The following KIRREL1 variants were observed in gnomAD, a reference collection of about 807,000 sequenced individuals.
KIRREL1 encodes kirre like nephrin family adhesion molecule 1.
A neutral mutation model predicts 83.3 loss-of-function variants in KIRREL1; 25 were observed. That is an observed-to-expected ratio of 0.30 (90% CI 0.22 to 0.42). The LOEUF (loss-of-function observed/expected upper bound fraction) is 0.42, where lower values mean the gene tolerates loss of function less well. KIRREL1 is among the 10% of genes least tolerant of loss of function. KIRREL1 has a pLI of 1.00. For synonymous variants in KIRREL1, 388 were observed against 410.4 expected (o/e 0.95, Z 0.66); for missense variants, 812 against 1,032.3 (o/e 0.79, Z 2.92).
chr1:158,069,421 CTTG>C (rs869061840), intron 1 of KIRREL1, among the ~76,000 whole-genome samples: 13 of 151,308 alleles, frequency 8.6e-5, no homozygotes, highest in African/African-American at 1.2e-4. Context: ...GGGATTCGAC[CTTG>C]TTGTCCTCCC....
At chr1:158,026,546 C>A (rs1202609480) in intron 1 of KIRREL1, among the ~76,000 whole-genome samples, 2 of 152,192 alleles carry the variant, frequency 1.3e-5, no homozygotes, top group Non-Finnish European at 2.9e-5. Context: ...GTTATCATCC[C>A]AGCTATATCA....
At chr1:158,081,962 G>A (rs1296826689) in intron 3 of KIRREL1, among the ~76,000 whole-genome samples, 1 of 152,188 alleles carries the variant, frequency 6.6e-6, no homozygotes, top group Non-Finnish European at 1.5e-5. Context: ...CCTCCTGGGT[G>A]TGGCAGCAAC....
chr1:158,004,400 G>A lies in KIRREL1; in HGVS notation c.52+10672G>A, dbSNP rs149272239. On this transcript the variant is annotated intron_variant, in intron 1 of 14. Coordinates refer to ENST00000359209, the MANE Select transcript of KIRREL1 (RefSeq NM_018240.7). Reference sequence around the variant, plus strand: ...CCAAGGAGGGTGACCAGTGATGTAGGTAATCCTTGAGCTCTGTTCTCTGGG... The same window carrying A: ...CCAAGGAGGGTGACCAGTGATGTAGATAATCCTTGAGCTCTGTTCTCTGGG... Among the ~76,000 whole-genome samples, 674 of 152,298 alleles carry A rather than the reference G, an allele frequency of 4.4e-3. 3 individuals are homozygous for A. Among genetic ancestry groups the A allele is most frequent in the Admixed American group, 0.012 (180 of 15,302 alleles).
At chr1:158,091,302 C>T in intron 10 of KIRREL1, 56 bp from the exon 11 acceptor site, 2 of 1,528,740 alleles carry the variant, frequency 1.3e-6, no homozygotes, top group Admixed American at 3.5e-5. Context: ...GACACGTGGG[C>T]ATGGGCTTCT....
In KIRREL1 at chr1:158,020,600, CAAAAAAAAAAAAA is replaced by C. The variant is rs370156588; in HGVS notation, c.52+26882_52+26894del. Among the ~76,000 whole-genome samples, 114 of 83,672 alleles carry C rather than the reference CAAAAAAAAAAAAA, an allele frequency of 1.4e-3. 2 individuals are homozygous for C. Among genetic ancestry groups the C allele is most frequent in the African/African-American group, 5.2e-3 (111 of 21,358 alleles). The allele number at this position is 83,672 out of a possible 152,430, so 54.9% of individuals were successfully genotyped here. ...GCAGAATGACTGCCATACAGTAAAT[CAAAAAAAAAAAAA>C]AAAAAAAAAGCCGTTGAGTGAATAT... On this transcript the variant is annotated intron_variant, in intron 1 of 14. Transcript: ENST00000359209.
At chr1:158,025,190 C>A (rs1660132966) in intron 1 of KIRREL1, among the ~76,000 whole-genome samples, 1 of 152,116 alleles carries the variant, frequency 6.6e-6, no homozygotes, top group Non-Finnish European at 1.5e-5. Flanking sequence ...CAAGTTCCCC[C>A]CATTCTCTCT....
intron 1 of KIRREL1, among the ~76,000 whole-genome samples, chr1:158,029,375 G>A (rs1437855240): frequency 2.0e-5 from 3 of 151,146 alleles, no homozygotes; most frequent in African/African-American, 7.4e-5. Context: ...GTGCACGTGC[G>A]CGCGCATGCA....
intron 10 of KIRREL1, 41 bp from the exon 11 acceptor site, chr1:158,091,317 C>G: frequency 1.9e-6 from 3 of 1,587,972 alleles, no homozygotes; most frequent in Non-Finnish European, 1.7e-6. Context: ...GCTTCTGCCC[C>G]CTGCCCCTTT....
intron 1 of KIRREL1, among the ~76,000 whole-genome samples, chr1:158,035,270 A>G (rs1660444949): frequency 6.6e-6 from 1 of 152,196 alleles, no homozygotes; most frequent in African/African-American, 2.4e-5. Context: ...CTAGGGCCCC[A>G]GGCAGCGAGT....
At chr1:158,029,337 C>CTCTGTGTGTGTGTGTG (rs1660253882) in intron 1 of KIRREL1, among the ~76,000 whole-genome samples, 1 of 69,262 alleles carries the variant, frequency 1.4e-5, no homozygotes, top group Non-Finnish European at 3.4e-5. Flanking sequence ...TAACAAAAAC[C>CTCTGTGTGTGTGTGTG]TGTGTGTGTG....
At chr1:158,002,785 G>A (rs1659402525) in intron 1 of KIRREL1, among the ~76,000 whole-genome samples, 1 of 152,126 alleles carries the variant, frequency 6.6e-6, no homozygotes, top group African/African-American at 2.4e-5. Context: ...GTGAGGCTCA[G>A]GGGCTGCGGG....
At position 158,088,071 on chromosome 1, in the gene KIRREL1, A is replaced by G. The variant is rs777767241; in HGVS notation, c.833A>G (p.Tyr278Cys). Residue 278 changes from tyrosine (Y) to cysteine (C), a missense_variant, in exon 7 of 15, where the codon TAT becomes TGT. Around this residue, in one of 3 missense-constraint regions of KIRREL1, gnomAD observed 472 missense variants for 626.8 expected, o/e 0.75. Coordinates refer to ENST00000359209, the MANE Select transcript of KIRREL1 (RefSeq NM_018240.7). ...HESRYETNVDYSFFTEPVSCE... is the reference protein window; with the variant it reads ...HESRYETNVDCSFFTEPVSCE... ...AGTCGCTATGAGACAAATGTGGATT[A>G]TTCCTTTTTCACGGAGCCTGTGTCT... 1 of 1,614,198 alleles carries G rather than the reference A, an allele frequency of 6.2e-7. No homozygotes were observed. The highest frequency in any genetic ancestry group is 1.7e-5 in the Admixed American group (1 of 60,024).
At chr1:158,021,865 T>C (rs1557991865) in intron 1 of KIRREL1, among the ~76,000 whole-genome samples, 1 of 152,188 alleles carries the variant, frequency 6.6e-6, no homozygotes, top group Non-Finnish European at 1.5e-5. Context: ...AAATGCCATG[T>C]AACCTGAGGT....
chr1:158,063,630 C>T (rs1346650973), intron 1 of KIRREL1, among the ~76,000 whole-genome samples: 1 of 152,232 alleles, frequency 6.6e-6, no homozygotes, highest in African/African-American at 2.4e-5. Flanking sequence ...GAGCTGTGCT[C>T]AACATACCAG....
chr1:158,083,199 T>C (rs148486812), intron 3 of KIRREL1, among the ~76,000 whole-genome samples: 2 of 152,368 alleles, frequency 1.3e-5, no homozygotes, highest in African/African-American at 4.8e-5. Flanking sequence ...AGCAAGAGCC[T>C]ACTTGGTCAC....
intron 1 of KIRREL1, among the ~76,000 whole-genome samples, chr1:158,044,057 C>G (rs1660710731): frequency 6.6e-6 from 1 of 152,158 alleles, no homozygotes; most frequent in Non-Finnish European, 1.5e-5. Context: ...TTCATTCATT[C>G]TTTTAGATGT....
At chr1:158,065,924 A>T (rs1245263815) in intron 1 of KIRREL1, among the ~76,000 whole-genome samples, 1 of 151,350 alleles carries the variant, frequency 6.6e-6, no homozygotes, top group African/African-American at 2.4e-5. Context: ...CCTCTCCCAG[A>T]TGGTCTCCTT....
intron 1 of KIRREL1, among the ~76,000 whole-genome samples, chr1:158,051,009 C>G (rs907707028): frequency 6.6e-6 from 1 of 152,210 alleles, no homozygotes; most frequent in Non-Finnish European, 1.5e-5. Context: ...TTCGGTTTCT[C>G]CTGCTTCAGC....
rs756943421 is a variant in KIRREL1, at chr1:158,077,987, G to T, written c.203-4G>T. 1.1e-5 allele frequency: 17 copies of T among 1,613,766 alleles called. No individual in the cohort carries two copies. The highest frequency in any genetic ancestry group is 3.3e-4 in the Middle Eastern group (2 of 6,078). On this transcript the variant is annotated splice_polypyrimidine_tract_variant and splice_region_variant and intron_variant, in intron 2 of 14. Transcript: ENST00000359209. Reference sequence around the variant, plus strand: ...GTTGGGCCTCATTCTTTCTGTTTCTGCAGCCTGGCCACGGTACCGGGTTGT... The same window carrying T: ...GTTGGGCCTCATTCTTTCTGTTTCTTCAGCCTGGCCACGGTACCGGGTTGT...
Sources: gnomAD v4.1 joint callset for allele counts (sites outside exome capture counted in the v4.1 genomes callset) on GRCh38, gnomAD v4.1.1 for gene constraint, gnomAD v4.1.1 regional missense constraint, MANE v1.5 for transcripts, NCBI Gene and HGNC (gene_info 2026-07-23, HGNC 2026-07-21) for gene names.